The following GPC5 variants were observed in gnomAD, a reference collection of about 807,000 sequenced individuals.
GPC5 encodes the protein glypican-5.
Under a neutral mutation model 53.9 loss-of-function variants are expected in GPC5, and 47 were observed. That is an observed-to-expected ratio of 0.87 (90% CI 0.69 to 1.11). The LOEUF (loss-of-function observed/expected upper bound fraction) is 1.11, where lower values mean the gene tolerates loss of function less well. Ranked by LOEUF, GPC5 falls within the 50% of genes most tolerant of loss-of-function variation. The pLI is 0.00. For synonymous variants in GPC5, 286 were observed against 263.3 expected, an observed-to-expected ratio of 1.09 and a Z score of -0.84; for missense variants, 748 against 713.1, an observed-to-expected ratio of 1.05 and a Z score of -0.56.
intron 5 of GPC5, among the ~76,000 whole-genome samples, chr13:91,896,047 A>G (rs188853263): frequency 1.3e-5 from 2 of 152,094 alleles, no homozygotes; most frequent in Non-Finnish European, 2.9e-5. Context: ...GCCTTACAGG[A>G]ACACATGTGA....
intron 2 of GPC5, among the ~76,000 whole-genome samples, chr13:91,585,998 A>AACCCCCC (rs1320731280): frequency 1.4e-5 from 2 of 144,416 alleles, no homozygotes; most frequent in African/African-American, 5.0e-5. Context: ...GTTGGTGTAC[A>AACCCCCC]ACCCCCCACC....
At chr13:91,784,379 G>A (rs1472915568) in intron 5 of GPC5, among the ~76,000 whole-genome samples, 1 of 152,100 alleles carries the variant, frequency 6.6e-6, no homozygotes, top group Non-Finnish European at 1.5e-5. Flanking sequence ...TTAACAAGTT[G>A]CAAATTGGAG....
At chr13:92,260,374 T>C (rs2042757762) in intron 7 of GPC5, among the ~76,000 whole-genome samples, 1 of 152,188 alleles carries the variant, frequency 6.6e-6, no homozygotes, top group Non-Finnish European at 1.5e-5. Context: ...TCTTCATTCC[T>C]CAGCCGAAAA....
chr13:92,857,399 T>C (rs1879035281), intron 7 of GPC5, among the ~76,000 whole-genome samples: 1 of 152,162 alleles, frequency 6.6e-6, no homozygotes, highest in Non-Finnish European at 1.5e-5. Context: ...CTTCTGGACT[T>C]CATCCTTGGT....
At chr13:92,018,457 C>T (rs934863966) in intron 6 of GPC5, among the ~76,000 whole-genome samples, 7 of 151,974 alleles carry the variant, frequency 4.6e-5, no homozygotes, top group Non-Finnish European at 7.4e-5. Context: ...AGAAACAAAA[C>T]GTAACGTGCC....
chr13:92,105,429 A>C (rs1485111253), intron 6 of GPC5, among the ~76,000 whole-genome samples: 4 of 152,136 alleles, frequency 2.6e-5, no homozygotes, highest in Non-Finnish European at 2.9e-5. Context: ...CTTTCATTTG[A>C]TATTTACCGA....
chr13:91,595,668 T>C (rs2032968519), intron 2 of GPC5, among the ~76,000 whole-genome samples: 1 of 152,218 alleles, frequency 6.6e-6, no homozygotes, highest in South Asian at 2.1e-4. Context: ...TTTGTTCTAG[T>C]TTGTTTTATA....
At chr13:92,789,138 G>C (rs1876368344) in intron 7 of GPC5, among the ~76,000 whole-genome samples, 1 of 152,128 alleles carries the variant, frequency 6.6e-6, no homozygotes, top group Non-Finnish European at 1.5e-5. Flanking sequence ...CATTGGCTGG[G>C]AGTATCCTAA....
chr13:92,637,553 A>C (rs9523739), intron 7 of GPC5, among the ~76,000 whole-genome samples: 126,407 of 152,182 alleles, frequency 0.83, 54,064 homozygotes, highest in Non-Finnish European at 0.94. Flanking sequence ...TGTCTCACTA[A>C]TGTGGAAAAA....
At chr13:92,022,452 C>T (rs2040767090) in intron 6 of GPC5, among the ~76,000 whole-genome samples, 1 of 152,038 alleles carries the variant, frequency 6.6e-6, no homozygotes, top group Non-Finnish European at 1.5e-5. Flanking sequence ...GCTTCCTTTG[C>T]TTGTAAGTAC....
At chr13:92,416,063 A>G (rs924630088) in intron 7 of GPC5, among the ~76,000 whole-genome samples, 1 of 152,240 alleles carries the variant, frequency 6.6e-6, no homozygotes, top group Non-Finnish European at 1.5e-5. Flanking sequence ...AGGTAATTTT[A>G]GCTTTGGAAC....
chr13:92,332,226 A>G (rs2043292807), intron 7 of GPC5, among the ~76,000 whole-genome samples: 1 of 152,158 alleles, frequency 6.6e-6, no homozygotes, highest in South Asian at 2.1e-4. Flanking sequence ...TAGGTTAGGC[A>G]GGATATATTT....
At chr13:91,422,883 G>A (rs1036878417) in intron 1 of GPC5, among the ~76,000 whole-genome samples, 54 of 152,264 alleles carry the variant, frequency 3.5e-4, no homozygotes, top group African/African-American at 1.2e-3. Context: ...TATTCATGAG[G>A]TGAGAGCTCT....
intron 5 of GPC5, among the ~76,000 whole-genome samples, chr13:91,772,823 G>A (rs2037648264): frequency 6.6e-6 from 1 of 152,072 alleles, no homozygotes; most frequent in Non-Finnish European, 1.5e-5. Flanking sequence ...TGAGAGTAGG[G>A]TCCCAGATTC....
chr13:91,482,236 C>T (rs571660662), intron 2 of GPC5, among the ~76,000 whole-genome samples: 1 of 152,160 alleles, frequency 6.6e-6, no homozygotes, highest in Non-Finnish European at 1.5e-5. Context: ...TTTGCTCTCT[C>T]TCTCTCACTC....
chr13:92,340,770 TA>T (rs2043359752), intron 7 of GPC5, among the ~76,000 whole-genome samples: 1 of 152,164 alleles, frequency 6.6e-6, no homozygotes, highest in African/African-American at 2.4e-5. Flanking sequence ...TAAAAGAGCC[TA>T]AATATTTGGC....
intron 6 of GPC5, among the ~76,000 whole-genome samples, chr13:92,077,423 C>A (rs2041260844): frequency 6.6e-6 from 1 of 152,114 alleles, no homozygotes; most frequent in Admixed American, 6.5e-5. Flanking sequence ...GAGTAGATGA[C>A]TCTGTGATCT....
At chr13:92,523,766 A>T (rs1222534628) in intron 7 of GPC5, among the ~76,000 whole-genome samples, 3 of 152,098 alleles carry the variant, frequency 2.0e-5, no homozygotes, top group Non-Finnish European at 4.4e-5. Flanking sequence ...CAACAAATTA[A>T]TTATTTCATT....
intron 7 of GPC5, among the ~76,000 whole-genome samples, chr13:92,712,885 G>A (rs1157415866): frequency 6.6e-6 from 1 of 152,114 alleles, no homozygotes; most frequent in Non-Finnish European, 1.5e-5. Context: ...ACCATGTGAA[G>A]ACAGACGGAG....
Sources: allele counts gnomAD v4.1 joint callset (sites outside exome capture counted in the v4.1 genomes callset), GRCh38; gene constraint gnomAD v4.1.1; transcripts MANE v1.5; gene names NCBI Gene and HGNC (gene_info 2026-07-23, HGNC 2026-07-21).